The following APOOL variants were observed in gnomAD, a reference collection of about 807,000 sequenced individuals.
APOOL encodes the protein MICOS complex subunit MIC27.
In APOOL, 12 loss-of-function variants were observed where a neutral mutation model predicts 23.1. That is an observed-to-expected ratio of 0.52 (90% CI 0.33 to 0.84). The LOEUF is 0.84. APOOL is among the 40% of genes least tolerant of loss of function. The probability of loss-of-function intolerance (pLI) is 0.02; values close to 1 mark genes in which losing one functional copy is unlikely to be tolerated. For missense variants in APOOL, 212 were observed against 199.6 expected (o/e 1.06, Z -0.37); for synonymous variants, 77 against 69.9 (o/e 1.10, Z -0.51).
intron 1 of APOOL, among the ~76,000 whole-genome samples, chrX:85,014,627 A>G (rs1452932908): frequency 9.1e-6 from 1 of 109,745 alleles, no homozygotes. Context: ...TATTTTATTT[A>G]AGGAGGTTAA....
At chrX:85,061,672 G>A (rs1489131575) in intron 5 of APOOL, among the ~76,000 whole-genome samples, 4 of 111,645 alleles carry the variant, frequency 3.6e-5, no homozygotes, top group African/African-American at 1.3e-4. Context: ...TTTGCATAGA[G>A]GTGTTTATAG....
intron 8 of APOOL, among the ~76,000 whole-genome samples, chrX:85,084,964 C>T (rs1278682358): frequency 9.0e-6 from 1 of 110,977 alleles, no homozygotes; most frequent in Admixed American, 9.7e-5. Context: ...TTCACTTGTA[C>T]TGAGCAATGG....
intron 2 of APOOL, among the ~76,000 whole-genome samples, chrX:85,049,310 A>G (rs1432550477): frequency 9.0e-6 from 1 of 111,663 alleles, no homozygotes. Flanking sequence ...TTCTTAAAGT[A>G]GAGCTGAAAT....
chrX:85,066,417 A>G (rs967063642), intron 5 of APOOL, among the ~76,000 whole-genome samples: 2 of 110,905 alleles, frequency 1.8e-5, no homozygotes, highest in Admixed American at 9.7e-5. Flanking sequence ...AGAGCTTCCC[A>G]CCCCCAAGTT....
intron 2 of APOOL, among the ~76,000 whole-genome samples, chrX:85,050,049 T>A (rs924062418): frequency 9.0e-6 from 1 of 111,421 alleles, no homozygotes; most frequent in African/African-American, 3.3e-5. Context: ...AAAACGCATC[T>A]TTAATAAGAT....
At chrX:85,020,292 G>A (rs183432408) in intron 1 of APOOL, among the ~76,000 whole-genome samples, 149 of 111,813 alleles carry the variant, frequency 1.3e-3, no homozygotes, top group African/African-American at 4.5e-3. Flanking sequence ...GCTCCTGAGT[G>A]TAGCACAGAA....
At chrX:85,020,281 A>G (rs907981142) in intron 1 of APOOL, among the ~76,000 whole-genome samples, 1 of 111,919 alleles carries the variant, frequency 8.9e-6, no homozygotes, top group Non-Finnish European at 1.9e-5. Context: ...GAGAAATTAC[A>G]GCTCCTGAGT....
Position 85,092,845 on chromosome X carries a change from A to G in APOOL, c.*5167A>G. On this transcript the variant is annotated 3_prime_UTR_variant, in exon 9 of 9. Transcript: ENST00000373173. Reference sequence around the variant, plus strand: ...ACATGTTCTCATATGTTTCCAAAATACAAGAAGATCTTGCTTTTATAGTCT... The same window carrying G: ...ACATGTTCTCATATGTTTCCAAAATGCAAGAAGATCTTGCTTTTATAGTCT... The G allele has an allele frequency of 3.1e-6, 1 of 327,237 alleles. No individual in the cohort carries two copies. The highest frequency in any genetic ancestry group is 4.5e-5 in the East Asian group (1 of 22,116). The allele number at this position is 327,237 out of a possible 1,213,427, so 27.0% of individuals were successfully genotyped here.
chrX:85,087,717 A>G lies in APOOL; in HGVS notation c.*39A>G, dbSNP rs974331582. The G allele has an allele frequency of 3.3e-5, 35 of 1,060,294 alleles. No individual in the cohort carries two copies. Among genetic ancestry groups the G allele is most frequent in the Non-Finnish European group, 4.3e-5 (34 of 787,220 alleles). The allele number at this position is 1,060,294 out of a possible 1,213,427, so 87.4% of individuals were successfully genotyped here. ...CAGAGACTACACAGAAAACTACAAG[A>G]TGTGTGGCGTTGCAAATAATGATGA... On this transcript the variant is annotated 3_prime_UTR_variant, in exon 9 of 9. Coordinates refer to ENST00000373173, the MANE Select transcript of APOOL (RefSeq NM_198450.6).
At chrX:85,070,369 A>C (rs923664570) in intron 6 of APOOL, among the ~76,000 whole-genome samples, 2 of 111,521 alleles carry the variant, frequency 1.8e-5, no homozygotes, top group African/African-American at 3.3e-5. Flanking sequence ...AATAGACTTC[A>C]AGATGGAATT....
At chrX:85,018,102 T>G (rs1455632626) in intron 1 of APOOL, among the ~76,000 whole-genome samples, 1 of 112,636 alleles carries the variant, frequency 8.9e-6, no homozygotes, top group Non-Finnish European at 1.9e-5. Context: ...TGAATTTAGA[T>G]TGCTAGTATT....
chrX:85,058,014 A>G (rs1195920152), intron 5 of APOOL, among the ~76,000 whole-genome samples: 1 of 111,060 alleles, frequency 9.0e-6, no homozygotes, highest in Non-Finnish European at 1.9e-5. Flanking sequence ...ATCTTAACCT[A>G]TTAGTAGGTA....
intron 1 of APOOL, among the ~76,000 whole-genome samples, chrX:85,009,363 A>G (rs969390081): frequency 8.9e-6 from 1 of 111,962 alleles, no homozygotes; most frequent in African/African-American, 3.2e-5. Flanking sequence ...TGGGTATGAT[A>G]TTAGTTGTGG....
chrX:85,005,132 CTATTT>C (rs940967595), intron 1 of APOOL, among the ~76,000 whole-genome samples: 1 of 108,201 alleles, frequency 9.2e-6, no homozygotes, highest in African/African-American at 3.5e-5. Flanking sequence ...TCTCCCCAGT[CTATTT>C]TATTTTATTT....
chrX:85,025,472 TA>T (rs1337242043), intron 1 of APOOL, among the ~76,000 whole-genome samples: 1 of 111,961 alleles, frequency 8.9e-6, no homozygotes, highest in Non-Finnish European at 1.9e-5. Flanking sequence ...CTTCCAGTGT[TA>T]ACTCAAAATT....
chrX:85,083,172 A>T (rs1924172174), intron 8 of APOOL, among the ~76,000 whole-genome samples: 1 of 111,283 alleles, frequency 9.0e-6, no homozygotes, highest in Non-Finnish European at 1.9e-5. Context: ...TTTCTTTTAT[A>T]CATAATGTCC....
chrX:85,079,000 T>A (rs1420005595), intron 8 of APOOL, among the ~76,000 whole-genome samples: 2 of 111,589 alleles, frequency 1.8e-5, no homozygotes, highest in Non-Finnish European at 1.9e-5. Flanking sequence ...GCCGAGACGA[T>A]GGGGTTTTCT....
chrX:85,026,648 A>AT (rs1315537280), intron 1 of APOOL, among the ~76,000 whole-genome samples: 4 of 111,283 alleles, frequency 3.6e-5, no homozygotes, highest in African/African-American at 1.3e-4. Flanking sequence ...GCTACTTAGA[A>AT]TTTTTTTTTC....
At chrX:85,047,520 A>G (rs1464279812) in intron 2 of APOOL, among the ~76,000 whole-genome samples, 1 of 111,381 alleles carries the variant, frequency 9.0e-6, no homozygotes, top group African/African-American at 3.3e-5. Flanking sequence ...CTCAAAATCA[A>G]CCATGCTCAT....
Sources: allele counts gnomAD v4.1 joint callset (sites outside exome capture counted in the v4.1 genomes callset), GRCh38; gene constraint gnomAD v4.1.1; transcripts MANE v1.5; gene names NCBI Gene and HGNC (gene_info 2026-07-23, HGNC 2026-07-21).